SAMD3: variants seen among roughly 807,000 people sequenced by gnomAD.
The protein encoded by SAMD3 is sterile alpha motif domain-containing protein 3.
SAMD3 carries 63 observed loss-of-function variants against 58.5 expected under a neutral mutation model. The ratio of observed to expected loss-of-function variants is 1.08; its 90% CI spans 0.88 to 1.33. The LOEUF is 1.33. SAMD3 is among the 40% of genes most tolerant of loss of function. The pLI is 0.00. For missense variants in SAMD3, 604 were observed against 608.4 expected (o/e 0.99, Z 0.08); for synonymous variants, 220 against 210.3 (o/e 1.05, Z -0.40).
chr6:130,350,384 C>T (rs1343680219), intron 1 of SAMD3, among the ~76,000 whole-genome samples: 3 of 152,076 alleles, frequency 2.0e-5, no homozygotes, highest in Non-Finnish European at 4.4e-5. Flanking sequence ...TCTCAGGATA[C>T]AAAATCAATG....
rs536867023 is a variant in SAMD3, at chr6:130,365,347, GC to G, written c.-532del. The G allele has an allele frequency of 1.3e-4, 132 of 985,280 alleles. No homozygotes were observed. In the African/African-American group the frequency reaches 2.0e-3, roughly 15 times the overall value. 61.0% of individuals were successfully genotyped at this position (985,280 alleles called of 1,614,324 possible). On this transcript the variant is annotated 5_prime_UTR_variant, in exon 1 of 14. Coordinates refer to the SAMD3 transcript ENST00000368134. ...TCCATTTCCCCCGCCCATGGTTCTC[GC>G]CCCCCCAAGCCGTTCTCCGGAACCC...
At chr6:130,242,194 G>C (rs372560294) in intron 2 of SAMD3, among the ~76,000 whole-genome samples, 1 of 152,146 alleles carries the variant, frequency 6.6e-6, no homozygotes, top group Non-Finnish European at 1.5e-5. Flanking sequence ...AGGGAGAATA[G>C]GTTGGCAATT....
intron 8 of SAMD3, chr6:130,160,661 G>A (rs1257072874): frequency 6.6e-6 from 1 of 152,118 alleles, no homozygotes; most frequent in African/African-American, 2.4e-5. Flanking sequence ...TCTTTTAATT[G>A]AGGTTGGAAG....
At chr6:130,320,920 A>G (rs1390598654) in intron 1 of SAMD3, among the ~76,000 whole-genome samples, 1 of 152,198 alleles carries the variant, frequency 6.6e-6, no homozygotes, top group African/African-American at 2.4e-5. Flanking sequence ...GAACACATCA[A>G]GAATGTGCCT....
intron 1 of SAMD3, among the ~76,000 whole-genome samples, chr6:130,354,494 T>C (rs887302184): frequency 6.6e-6 from 1 of 152,076 alleles, no homozygotes; most frequent in African/African-American, 2.4e-5. Flanking sequence ...TATGCAGCCA[T>C]AAAAAAGAAA....
intron 5 of SAMD3, among the ~76,000 whole-genome samples, chr6:130,192,621 T>C (rs1346948665): frequency 6.6e-6 from 1 of 152,110 alleles, no homozygotes; most frequent in Non-Finnish European, 1.5e-5. Flanking sequence ...ACTCTCTTTT[T>C]GGACTCAGCC....
chr6:130,361,922 A>G (rs1302018653), intron 1 of SAMD3, among the ~76,000 whole-genome samples: 3 of 152,204 alleles, frequency 2.0e-5, no homozygotes, highest in South Asian at 2.1e-4. Flanking sequence ...GAACACTTAA[A>G]TCAGTGTTAT....
chr6:130,264,453 G>C (rs999818992), intron 2 of SAMD3, among the ~76,000 whole-genome samples: 1 of 152,184 alleles, frequency 6.6e-6, no homozygotes, highest in African/African-American at 2.4e-5. Flanking sequence ...GTGGTATTGT[G>C]GTGGACCTTT....
At chr6:130,153,906 G>T (rs1448920161) in intron 9 of SAMD3, among the ~76,000 whole-genome samples, 4 of 151,528 alleles carry the variant, frequency 2.6e-5, no homozygotes, top group Non-Finnish European at 5.9e-5. Context: ...TGAACTCCTG[G>T]GCTCAAGCAA....
At position 130,214,399 on chromosome 6, in the gene SAMD3, T is replaced by C. The variant is rs779173239; in HGVS notation, c.207A>G (p.Gly69=). The C allele has an allele frequency of 2.5e-6, 4 of 1,612,958 alleles. No individual in the cohort carries two copies. Among genetic ancestry groups the C allele is most frequent in the Non-Finnish European group, 3.4e-6 (4 of 1,179,462 alleles). ...LIKKYKQNTQ[G]LKSPENPKKA... ...TTTTGGGGTTTTCTGGGGACTTCAG[T>C]CCTTGAGTGTTCTGCTTGTATTTTT... The change falls in exon 4 of 12, where the codon GGA becomes GGG. Residue 69 remains glycine (G), a synonymous_variant. Coordinates refer to ENST00000439090, the MANE Select transcript of SAMD3 (RefSeq NM_001017373.4).
intron 1 of SAMD3, among the ~76,000 whole-genome samples, chr6:130,325,536 C>T (rs1433359785): frequency 6.6e-6 from 1 of 152,000 alleles, no homozygotes; most frequent in Non-Finnish European, 1.5e-5. Context: ...AAATGTTCAT[C>T]TCTTCTGGAA....
intron 2 of SAMD3, among the ~76,000 whole-genome samples, chr6:130,290,390 T>C (rs986174012): frequency 6.6e-5 from 10 of 152,230 alleles, no homozygotes; most frequent in African/African-American, 2.2e-4. Context: ...CAGTCTTTGC[T>C]CTTAATGGCT....
chr6:130,171,857 G>T (rs1000055372), intron 8 of SAMD3, among the ~76,000 whole-genome samples: 1 of 152,286 alleles, frequency 6.6e-6, no homozygotes, highest in Middle Eastern at 3.4e-3. Flanking sequence ...CTCTTTGCAG[G>T]TCTCCAAGAA....
intron 2 of SAMD3, among the ~76,000 whole-genome samples, chr6:130,261,588 G>A (rs1774141435): frequency 6.6e-6 from 1 of 152,132 alleles, no homozygotes; most frequent in Non-Finnish European, 1.5e-5. Context: ...GTTTTGTGGT[G>A]TGTGTGTGGT....
At chr6:130,176,168 T>C (rs568434502) in intron 7 of SAMD3, 160 bp from the exon 8 acceptor site, 1 of 696,350 alleles carries the variant, frequency 1.4e-6, no homozygotes, top group East Asian at 2.7e-5. Context: ...CCTTTTATCC[T>C]CACAGCAATC....
At chr6:130,288,294 G>A (rs1293248132) in intron 2 of SAMD3, among the ~76,000 whole-genome samples, 1 of 152,204 alleles carries the variant, frequency 6.6e-6, no homozygotes, top group Non-Finnish European at 1.5e-5. Context: ...AATTTTGGCA[G>A]GAGTCAATGT....
chr6:130,309,185 T>A (rs62431361), intron 2 of SAMD3, among the ~76,000 whole-genome samples: 24,588 of 152,138 alleles, frequency 0.16, 2,223 homozygotes, highest in East Asian at 0.36. Flanking sequence ...CTTGATATCA[T>A]CCCTTGCATA....
At chr6:130,302,321 G>GA (rs1284796400) in intron 2 of SAMD3, among the ~76,000 whole-genome samples, 7 of 151,970 alleles carry the variant, frequency 4.6e-5, no homozygotes, top group African/African-American at 1.7e-4. Flanking sequence ...ACAAACATAG[G>GA]AAAAAATGCT....
chr6:130,194,782 C>T (rs1582877321), intron 5 of SAMD3, among the ~76,000 whole-genome samples: 1 of 152,344 alleles, frequency 6.6e-6, no homozygotes, highest in East Asian at 1.9e-4. Context: ...CTGACTGAGT[C>T]CTTCCCAGAT....
Sources: allele counts gnomAD v4.1 joint callset (sites outside exome capture counted in the v4.1 genomes callset), GRCh38; gene constraint gnomAD v4.1.1; transcripts MANE v1.5; gene names NCBI Gene and HGNC (gene_info 2026-07-23, HGNC 2026-07-21).